NAV2: variants seen among roughly 807,000 people sequenced by gnomAD.
The protein encoded by NAV2 is neuron navigator 2.
Under a neutral mutation model 223.2 loss-of-function variants are expected in NAV2, and 54 were observed. The observed-to-expected ratio is 0.24, with a 90% CI of 0.19 to 0.30. The LOEUF (loss-of-function observed/expected upper bound fraction) is 0.30, where lower values mean the gene tolerates loss of function less well. Ranked by LOEUF, NAV2 falls within the 10% of genes least tolerant of loss-of-function variation. The pLI is 1.00. For missense variants in NAV2, 2,806 were observed against 3,147.5 expected (o/e 0.89, Z 2.60); for synonymous variants, 1,279 against 1,239.3 (o/e 1.03, Z -0.67).
intron 1 of NAV2, among the ~76,000 whole-genome samples, chr11:19,387,033 TC>T (rs1849069432): frequency 6.6e-6 from 1 of 152,168 alleles, no homozygotes; most frequent in African/African-American, 2.4e-5. Flanking sequence ...CCTCCAAGTA[TC>T]CTTTTTTTGT....
At chr11:19,533,738 G>A (rs1279365685) in intron 1 of NAV2, among the ~76,000 whole-genome samples, 1 of 111,530 alleles carries the variant, frequency 9.0e-6, no homozygotes, top group Non-Finnish European at 1.6e-5. Context: ...ACGGAGTCTC[G>A]CTCTGTCGCC....
chr11:19,856,072 A>G (rs2061395311), intron 3 of NAV2, among the ~76,000 whole-genome samples: 1 of 152,238 alleles, frequency 6.6e-6, no homozygotes, highest in Non-Finnish European at 1.5e-5. Context: ...TTTTACCTAC[A>G]AAAATGGCAA....
intron 1 of NAV2, among the ~76,000 whole-genome samples, chr11:19,481,604 A>G (rs2042282799): frequency 6.6e-6 from 1 of 152,338 alleles, no homozygotes; most frequent in South Asian, 2.1e-4. Flanking sequence ...AGTAATAGCT[A>G]TGTCCATGAG....
intron 1 of NAV2, among the ~76,000 whole-genome samples, chr11:19,442,363 G>A (rs917093507): frequency 6.6e-6 from 1 of 152,252 alleles, no homozygotes; most frequent in Non-Finnish European, 1.5e-5. Flanking sequence ...TGGCGGCACA[G>A]GCAAGTTGCT....
At chr11:19,780,617 C>T (rs1330173932) in intron 1 of NAV2, among the ~76,000 whole-genome samples, 2 of 152,250 alleles carry the variant, frequency 1.3e-5, no homozygotes, top group Non-Finnish European at 2.9e-5. Context: ...GTTGCTTTAC[C>T]TCTTCGATCT....
At chr11:19,479,482 C>T (rs1485936564) in intron 1 of NAV2, among the ~76,000 whole-genome samples, 3 of 152,030 alleles carry the variant, frequency 2.0e-5, no homozygotes, top group South Asian at 2.1e-4. Flanking sequence ...TTCCATAAAC[C>T]GTCCTGTTAA....
chr11:19,434,337 G>T (rs980829755), intron 1 of NAV2, among the ~76,000 whole-genome samples: 1 of 152,146 alleles, frequency 6.6e-6, no homozygotes, highest in South Asian at 2.1e-4. Context: ...TGGCACTGGG[G>T]TTCATTTCTG....
chr11:19,743,555 C>G (rs1445418703), intron 1 of NAV2, among the ~76,000 whole-genome samples: 1 of 152,204 alleles, frequency 6.6e-6, no homozygotes, highest in African/African-American at 2.4e-5. Flanking sequence ...CAGTTCTAGG[C>G]ATGAGGAGCT....
intron 1 of NAV2, among the ~76,000 whole-genome samples, chr11:19,398,259 G>A (rs567950310): frequency 1.3e-5 from 2 of 152,090 alleles, no homozygotes; most frequent in Non-Finnish European, 2.9e-5. Context: ...AGAGAGCAAG[G>A]TGCCACACAG....
chr11:19,676,447 A>G (rs542780302), intron 1 of NAV2, among the ~76,000 whole-genome samples: 7 of 151,788 alleles, frequency 4.6e-5, no homozygotes, highest in Middle Eastern at 3.4e-3. Flanking sequence ...CATGGTAAAT[A>G]TTGAAGTCAG....
chr11:20,093,509 TC>T (rs2061002875), intron 29 of NAV2, among the ~76,000 whole-genome samples: 1 of 152,080 alleles, frequency 6.6e-6, no homozygotes, highest in South Asian at 2.1e-4. Flanking sequence ...TGTAATATAC[TC>T]CCAAAGCACT....
intron 22 of NAV2, 60 bp downstream of exon 22, chr11:20,068,458 C>T (rs2059189455): frequency 3.2e-6 from 4 of 1,243,916 alleles, no homozygotes; most frequent in East Asian, 2.3e-5. Flanking sequence ...GCCTTCTGAA[C>T]AGCCTCAAGT....
upstream of NAV2, among the ~76,000 whole-genome samples, chr11:19,349,662 G>T (rs1260193026): frequency 1.3e-5 from 2 of 152,186 alleles, no homozygotes; most frequent in Non-Finnish European, 2.9e-5. Flanking sequence ...GATGGTGCTG[G>T]TGTTGGGGGA....
intron 1 of NAV2, among the ~76,000 whole-genome samples, chr11:19,728,194 A>G (rs1056970728): frequency 6.6e-6 from 1 of 152,234 alleles, no homozygotes; most frequent in East Asian, 1.9e-4. Flanking sequence ...TCACCATAGC[A>G]TATGAGACAG....
At chr11:19,819,196 G>A (rs1187870100) in intron 1 of NAV2, among the ~76,000 whole-genome samples, 1 of 152,214 alleles carries the variant, frequency 6.6e-6, no homozygotes, top group Non-Finnish European at 1.5e-5. Flanking sequence ...TGAGAGAGAT[G>A]TGAGTAGTTA....
intron 1 of NAV2, among the ~76,000 whole-genome samples, chr11:19,784,362 T>C (rs1177853029): frequency 1.8e-5 from 2 of 114,132 alleles, no homozygotes; most frequent in Non-Finnish European, 3.3e-5. Context: ...CACTCCAGCC[T>C]GGGCAACAAG....
intron 11 of NAV2, among the ~76,000 whole-genome samples, chr11:19,991,149 G>T (rs1182581870): frequency 1.3e-5 from 2 of 152,156 alleles, no homozygotes; most frequent in Admixed American, 6.5e-5. Context: ...TTTTGAGACA[G>T]TGTTTCACTG....
At chr11:19,994,487 A>G (rs1180222989) in intron 11 of NAV2, among the ~76,000 whole-genome samples, 4 of 151,662 alleles carry the variant, frequency 2.6e-5, no homozygotes, top group African/African-American at 2.4e-5. Flanking sequence ...TGGAGGTTGC[A>G]GTGAGCCCAG....
At position 20,101,142 on chromosome 11, in the gene NAV2, C is replaced by A; in HGVS notation, c.6387C>A (p.Ala2129=). 1 of 1,614,056 alleles carries A rather than the reference C, an allele frequency of 6.2e-7. No homozygotes were observed. The highest frequency in any genetic ancestry group is 8.5e-7 in the Non-Finnish European group (1 of 1,179,964). ...EGRELTDGVI[A]TFNVDHKSSK... ...GGGAGTTGACAGACGGGGTTATCGC[C>A]ACCTTTAACGTGGACCATAAGTCCA... Residue 2129 remains alanine (A), a synonymous_variant, in exon 32 of 38, where the codon GCC becomes GCA. Transcript: ENST00000349880.
Sources: allele counts gnomAD v4.1 joint callset (sites outside exome capture counted in the v4.1 genomes callset), GRCh38; gene constraint gnomAD v4.1.1; transcripts MANE v1.5; gene names NCBI Gene and HGNC (gene_info 2026-07-23, HGNC 2026-07-21).